Variants in ZBTB17 observed in about 807,000 individuals in gnomAD.
ZBTB17 encodes the protein zinc finger and BTB domain containing 17.
ZBTB17 carries 24 observed loss-of-function variants against 85.1 expected under a neutral mutation model. The ratio of observed to expected loss-of-function variants is 0.28; its 90% CI spans 0.20 to 0.40. The LOEUF (loss-of-function observed/expected upper bound fraction) is 0.40, where lower values mean the gene tolerates loss of function less well. ZBTB17 is among the 10% of genes least tolerant of loss of function. The pLI, the probability that ZBTB17 is intolerant of heterozygous loss-of-function variation, is 1.00. For synonymous variants in ZBTB17, 464 were observed against 460.2 expected (o/e 1.01, Z -0.11); for missense variants, 743 against 1,105.1 (o/e 0.67, Z 4.65).
rs115891929 is a variant in ZBTB17, at chr1:15,973,484, T to C, written c.-89-359A>G. Among the ~76,000 whole-genome samples the C allele has an allele frequency of 8.9e-3, 1,359 of 152,320 alleles. 20 individuals are homozygous for C. Among genetic ancestry groups the C allele is most frequent in the African/African-American group, 0.031 (1,294 of 41,554 alleles). ...TTGTTTCTCATTGCATACCCTACCC[T>C]AGGTGAGCTCATCCCCTCCCATGAC... is the stretch of plus-strand genomic sequence containing the variant. On this transcript the variant is annotated intron_variant, in intron 1 of 15. Transcript: ENST00000375743. The surrounding 1 kb of genome is among the most constrained non-coding windows in gnomAD (Gnocchi z 4.1).
intron 2 of ZBTB17, among the ~76,000 whole-genome samples, chr1:15,958,415 C>CA (rs34593133): frequency 0.39 from 32,575 of 84,378 alleles, 5,573 homozygotes; most frequent in Admixed American, 0.53. Flanking sequence ...CCAATACGAC[C>CA]AAAAAAAAAA....
chr1:15,963,351 A>G (rs77752402), intron 2 of ZBTB17, among the ~76,000 whole-genome samples: 9 of 152,340 alleles, frequency 5.9e-5, no homozygotes, highest in Non-Finnish European at 1.3e-4. Flanking sequence ...AGTTAAAAAT[A>G]AAATAAAATG....
chr1:15,944,939 C>T lies in ZBTB17; in HGVS notation c.925G>A (p.Glu309Lys), dbSNP rs992723321. 1.3e-6 allele frequency: 2 copies of T among 1,574,370 alleles called. No individual in the cohort carries two copies. Among genetic ancestry groups the T allele is most frequent in the Non-Finnish European group, 1.7e-6 (2 of 1,162,356 alleles). ...KAYGSVIHKC[E>K]DCGKEFTHTG... ...GGGCTGGCCATAGTCTCCCTCACCTCGCACTTGTGGATGACGGAGCCGTAG... is the reference window on the plus strand; with the variant it reads ...GGGCTGGCCATAGTCTCCCTCACCTTGCACTTGTGGATGACGGAGCCGTAG... Residue 309 changes from glutamate to lysine, a missense_variant and splice_region_variant, in exon 7 of 16, where the codon GAG becomes AAG. By Grantham distance (56) the Glu-to-Lys change is moderately conservative. Around this residue, in one of 4 missense-constraint regions of ZBTB17, gnomAD observed 321 missense variants for 615.7 expected, o/e 0.52. Transcript: ENST00000375743.
chr1:15,965,112 T>C (rs1452617536), intron 2 of ZBTB17, among the ~76,000 whole-genome samples: 3 of 120,806 alleles, frequency 2.5e-5, no homozygotes, highest in African/African-American at 9.6e-5. Context: ...AGACTCCGTA[T>C]CAAAAAAAAA....
In ZBTB17 at chr1:15,951,950, T is replaced by C. The variant is rs955208423; in HGVS notation, c.-2-3453A>G. 6.6e-6 allele frequency among the ~76,000 whole-genome samples: 1 copy of C among 152,082 alleles called. No individual in the cohort carries two copies. Among genetic ancestry groups the C allele is most frequent in the African/African-American group, 2.4e-5 (1 of 41,398 alleles). On this transcript the variant is annotated intron_variant, in intron 2 of 15. Transcript: ENST00000375743. This position sits in a 1 kb window ranked among gnomAD's most constrained non-coding sequence, Gnocchi z 4.1. ...GCGGGAACACAGGGTGAAGAAATAC[T>C]GTTCCCACCAGGCAGCCTGCCCCAC...
Position 15,945,021 on chromosome 1 carries a change from G to C in ZBTB17, c.843C>G (p.Gly281=), listed in dbSNP as rs1051074371. The C allele has an allele frequency of 1.9e-6, 3 of 1,603,594 alleles. No individual in the cohort carries two copies. In the African/African-American group the frequency reaches 4.0e-5, roughly 21 times the overall value. ...CTGAGCGCAGGCCCCGGGCCTCGGA[G>C]CCGAGCTCCTGCCCCGAGTCTGTGC... ...SAGTDSGQEL[G]SEARGLRSGT... Residue 281 remains glycine, a synonymous_variant, in exon 7 of 16, where the codon GGC becomes GGG. Coordinates refer to ENST00000375743, the MANE Select transcript of ZBTB17 (RefSeq NM_003443.3).
intron 2 of ZBTB17, among the ~76,000 whole-genome samples, chr1:15,961,051 C>T (rs2072240150): frequency 6.6e-6 from 1 of 151,778 alleles, no homozygotes; most frequent in Admixed American, 6.6e-5. Flanking sequence ...AAGGTCAACG[C>T]TGCAGTGAGC....
intron 2 of ZBTB17, among the ~76,000 whole-genome samples, chr1:15,960,367 A>G (rs1472914616): frequency 6.6e-6 from 1 of 152,270 alleles, no homozygotes; most frequent in African/African-American, 2.4e-5. Context: ...AGCAAGGCTG[A>G]TAAATTATAG....
intron 2 of ZBTB17, among the ~76,000 whole-genome samples, chr1:15,968,307 C>A (rs1270219210): frequency 6.6e-6 from 1 of 152,192 alleles, no homozygotes; most frequent in Non-Finnish European, 1.5e-5. Context: ...AGTTCCTCCT[C>A]AGCCAATCAA....
chr1:15,962,188 A>G (rs141866736), intron 2 of ZBTB17, among the ~76,000 whole-genome samples: 69 of 152,284 alleles, frequency 4.5e-4, no homozygotes, highest in Middle Eastern at 6.8e-3. Context: ...AGCTCGGGTG[A>G]CAGTGCGAGA....
Position 15,969,929 on chromosome 1 carries a change from C to A in ZBTB17, c.-3+3110G>T, listed in dbSNP as rs575877307. The A allele has an allele frequency of 5.8e-5, 39 of 667,686 alleles. 1 individual carries two copies. In the East Asian group the frequency reaches 1.1e-3, roughly 19 times the overall value. 41.4% of individuals were successfully genotyped at this position (667,686 alleles called of 1,614,324 possible). On this transcript the variant is annotated intron_variant, in intron 2 of 15. Transcript: ENST00000375743. Reference sequence around the variant, plus strand: ...CTCTGGAGTCAGGTGTGAATCTGCCCTCCCATTGATTGTCACATGTGGTTT... The same window carrying A: ...CTCTGGAGTCAGGTGTGAATCTGCCATCCCATTGATTGTCACATGTGGTTT...
In ZBTB17 at chr1:15,945,987, C is replaced by T. The variant is rs758556508; in HGVS notation, c.536-147G>A. The T allele has an allele frequency of 3.2e-6, 5 of 1,542,558 alleles. No individual in the cohort carries two copies. In the East Asian group the frequency reaches 1.1e-4, roughly 35 times the overall value. On this transcript the variant is annotated intron_variant, in intron 5 of 15. Coordinates refer to ENST00000375743, the MANE Select transcript of ZBTB17 (RefSeq NM_003443.3). ...CCTAGCCAAGGCTGTTGTGTCTGCT[C>T]TGGTTGAAACAGACCCCCTGGAACA...
At chr1:15,975,577 C>T (rs530203473) in intron 1 of ZBTB17, among the ~76,000 whole-genome samples, 1 of 152,212 alleles carries the variant, frequency 6.6e-6, no homozygotes, top group South Asian at 2.1e-4. Context: ...CCCGCTCCCT[C>T]CCGCCCCGGC....
In ZBTB17 at chr1:15,941,970, C is replaced by T. The variant is rs765568673; in HGVS notation, c.2411G>A (p.Ter804=). The T allele has an allele frequency of 1.9e-6, 3 of 1,591,990 alleles. No homozygotes were observed. Among genetic ancestry groups the T allele is most frequent in the South Asian group, 1.1e-5 (1 of 90,640 alleles). Residue 804 remains the stop codon, a stop_retained_variant, in exon 16 of 16, where the codon TGA becomes TAA. Transcript: ENST00000375743. ...TAAACAGTCAGAAGGGCCGCCAGCT[C>T]ACTCGGCAGGCGGGGGACATTCAGG... ...TAPECPPPAE[*]
chr1:15,944,853 G>T lies in ZBTB17; in HGVS notation c.928-14C>A. 6.3e-7 allele frequency: 1 copy of T among 1,581,822 alleles called. No homozygotes were observed. Among genetic ancestry groups the T allele is most frequent in the East Asian group, 2.3e-5 (1 of 43,378 alleles). ...CTTCCCACAGTCCTGTGGGTGCAGC[G>T]GGGAAGCGGGGTGTGAGGAGCAGCC... is the stretch of plus-strand genomic sequence containing the variant. On this transcript the variant is annotated splice_polypyrimidine_tract_variant and intron_variant, in intron 7 of 15. Coordinates refer to ENST00000375743, the MANE Select transcript of ZBTB17 (RefSeq NM_003443.3).
At chr1:15,960,679 C>A (rs1049225657) in intron 2 of ZBTB17, among the ~76,000 whole-genome samples, 1 of 152,234 alleles carries the variant, frequency 6.6e-6, no homozygotes, top group Non-Finnish European at 1.5e-5. Flanking sequence ...AAGAGGCTCT[C>A]ACTGAGGAAG....
chr1:15,948,459 G>A lies in ZBTB17; in HGVS notation c.37C>T (p.Gln13Ter). ...FPQHSQHVLE[Q>*]LNQQRQLGLL... Reference sequence around the variant, plus strand: ...CCCAGCTGCCGCTGCTGGTTCAGCTGTTCCAAGACATGCTGGCTGTGCTGG... The same window carrying A: ...CCCAGCTGCCGCTGCTGGTTCAGCTATTCCAAGACATGCTGGCTGTGCTGG... Residue 13 changes from glutamine (Q) to a stop codon, truncating the protein, a stop_gained, in exon 3 of 16, where the codon CAG (glutamine) becomes TAG (stop). Coordinates refer to ENST00000375743, the MANE Select transcript of ZBTB17 (RefSeq NM_003443.3). LOFTEE classifies it high-confidence loss of function. The A allele has an allele frequency of 1.2e-6, 2 of 1,614,054 alleles. No individual in the cohort carries two copies. Among genetic ancestry groups the A allele is most frequent in the Non-Finnish European group, 1.7e-6 (2 of 1,180,034 alleles).
intron 3 of ZBTB17, 89 bp from the exon 4 acceptor site, chr1:15,947,212 G>A: frequency 1.5e-6 from 2 of 1,368,744 alleles, no homozygotes; most frequent in Non-Finnish European, 2.0e-6. Context: ...GCAGGACGCA[G>A]GGATTTAGGA....
At position 15,945,741 on chromosome 1, in the gene ZBTB17, G is replaced by C; in HGVS notation, c.635C>G (p.Ala212Gly). 6.2e-7 allele frequency: 1 copy of C among 1,607,192 alleles called. No homozygotes were observed. The highest frequency in any genetic ancestry group is 8.5e-7 in the Non-Finnish European group (1 of 1,179,854). Reference protein sequence around the residue: ...TSGMAAAEAEAALSESSEQEM... With the variant: ...TSGMAAAEAEGALSESSEQEM... ...TTGCTCCGAGCTCTCGGACAAAGCG[G>C]CCTCAGCTTCTGCAGCAGCCATGCC... Residue 212 changes from alanine to glycine, a missense_variant, in exon 6 of 16, where the codon GCC becomes GGC. This residue lies in a region of ZBTB17 where 279 missense variants were observed against 269.9 expected (regional missense o/e 1.03). Coordinates refer to ENST00000375743, the MANE Select transcript of ZBTB17 (RefSeq NM_003443.3).
Sources: allele counts gnomAD v4.1 joint callset (sites outside exome capture counted in the v4.1 genomes callset), GRCh38; gene constraint gnomAD v4.1.1; regional missense constraint gnomAD v4.1.1; non-coding constraint Gnocchi (gnomAD v3.1); transcripts MANE v1.5; gene names NCBI Gene and HGNC (gene_info 2026-07-23, HGNC 2026-07-21).